Variants in MRTFB observed in about 807,000 individuals in gnomAD.
The protein encoded by MRTFB is myocardin related transcription factor B.
Under a neutral mutation model 104.2 loss-of-function variants are expected in MRTFB, and 29 were observed. The observed-to-expected ratio is 0.28, with a 90% CI of 0.21 to 0.38. The LOEUF (loss-of-function observed/expected upper bound fraction) is 0.38. Ranked by LOEUF, MRTFB falls within the 10% of genes least tolerant of loss-of-function variation. The probability of loss-of-function intolerance (pLI) is 1.00; values close to 1 mark genes in which losing one functional copy is unlikely to be tolerated. For missense variants in MRTFB, 1,270 were observed against 1,341.6 expected (o/e 0.95, Z 0.83); for synonymous variants, 535 against 519.5 (o/e 1.03, Z -0.41).
At chr16:14,134,668 A>G (rs936684035) in intron 2 of MRTFB, among the ~76,000 whole-genome samples, 1 of 152,190 alleles carries the variant, frequency 6.6e-6, no homozygotes, top group African/African-American at 2.4e-5. Context: ...GATTTGGACA[A>G]ATGGATTTTT....
intron 3 of MRTFB, among the ~76,000 whole-genome samples, chr16:14,206,198 C>G (rs1464224332): frequency 6.6e-6 from 1 of 152,214 alleles, no homozygotes; most frequent in Non-Finnish European, 1.5e-5. Context: ...GAATGCCTCT[C>G]TGATCATTAG....
At chr16:14,256,667 G>A (rs192569864) in intron 15 of MRTFB, among the ~76,000 whole-genome samples, 1 of 152,280 alleles carries the variant, frequency 6.6e-6, no homozygotes, top group African/African-American at 2.4e-5. Flanking sequence ...TAGAGTTGGC[G>A]GTAACCTGAC....
At chr16:14,028,630 C>A in the MRTFB span, among the ~76,000 whole-genome samples, 135 of 152,330 alleles carry the variant, frequency 8.9e-4, 5 homozygotes, top group South Asian at 0.027. Context: ...GCCTGCAACT[C>A]GGAATTTTAC....
At chr16:14,119,827 G>T (rs1428241030) in intron 2 of MRTFB, among the ~76,000 whole-genome samples, 1 of 152,136 alleles carries the variant, frequency 6.6e-6, no homozygotes, top group Non-Finnish European at 1.5e-5. Flanking sequence ...GCAGCTTTAG[G>T]CTAAACTGAA....
At chr16:13,999,900 C>A in the MRTFB span, among the ~76,000 whole-genome samples, 1 of 152,196 alleles carries the variant, frequency 6.6e-6, no homozygotes. Context: ...CACTGAGGGC[C>A]TCCTCTGCAC....
At chr16:14,206,286 T>C (rs1300317374) in intron 3 of MRTFB, among the ~76,000 whole-genome samples, 1 of 152,212 alleles carries the variant, frequency 6.6e-6, no homozygotes, top group Non-Finnish European at 1.5e-5. Context: ...TCTGCCTGAC[T>C]TCTGTGTCTC....
intron 1 of MRTFB, among the ~76,000 whole-genome samples, chr16:14,075,193 A>G (rs1420271577): frequency 6.6e-6 from 1 of 152,260 alleles, no homozygotes; most frequent in Non-Finnish European, 1.5e-5. Context: ...GTTCCGTGGT[A>G]TACCTTAGCT....
chr16:14,073,445 T>C (rs1264659051), intron 1 of MRTFB, among the ~76,000 whole-genome samples: 2 of 152,212 alleles, frequency 1.3e-5, no homozygotes, highest in African/African-American at 4.8e-5. Flanking sequence ...TAAAAGGAAA[T>C]TTAACAGACA....
intron 3 of MRTFB, among the ~76,000 whole-genome samples, chr16:14,182,550 T>C (rs1597176164): frequency 6.6e-6 from 1 of 152,222 alleles, no homozygotes; most frequent in Admixed American, 6.5e-5. Context: ...ATAAATGTTA[T>C]GTAGATGTGT....
At chr16:13,996,980 AG>A in the MRTFB span, among the ~76,000 whole-genome samples, 1 of 152,226 alleles carries the variant, frequency 6.6e-6, no homozygotes, top group South Asian at 2.1e-4. Context: ...TCAGCACATT[AG>A]GGTTGTGACC....
At chr16:14,025,729 T>TA in the MRTFB span, among the ~76,000 whole-genome samples, 1 of 151,336 alleles carries the variant, frequency 6.6e-6, no homozygotes, top group African/African-American at 2.4e-5. Flanking sequence ...ATAAGGAATC[T>TA]AAAAAAACAA....
intron 4 of MRTFB, 22 bp downstream of exon 4, chr16:14,210,330 C>G: frequency 6.3e-7 from 1 of 1,595,308 alleles, no homozygotes; most frequent in African/African-American, 1.3e-5. Context: ...ACCATCACTG[C>G]CATCCCTAAC....
At chr16:14,250,056 T>C (rs1437990835) in intron 13 of MRTFB, among the ~76,000 whole-genome samples, 1 of 152,190 alleles carries the variant, frequency 6.6e-6, no homozygotes. Flanking sequence ...GTTAAGACAA[T>C]TTGTTTTAGG....
intron 2 of MRTFB, among the ~76,000 whole-genome samples, chr16:14,124,956 G>A (rs76663783): frequency 0.029 from 4,466 of 152,092 alleles, 239 homozygotes; most frequent in African/African-American, 0.1. Flanking sequence ...TGTGTTTTCT[G>A]CGTACCTTGC....
At chr16:14,113,162 A>G (rs1009444005) in intron 2 of MRTFB, among the ~76,000 whole-genome samples, 5 of 151,824 alleles carry the variant, frequency 3.3e-5, no homozygotes, top group African/African-American at 7.3e-5. Context: ...TCTCACCTCA[A>G]CCTCCCAAGT....
At chr16:14,209,777 A>G (rs2041114355) in intron 3 of MRTFB, among the ~76,000 whole-genome samples, 1 of 151,630 alleles carries the variant, frequency 6.6e-6, no homozygotes, top group Non-Finnish European at 1.5e-5. Flanking sequence ...GGAATATCTC[A>G]TAGGTCTAAT....
chr16:14,019,256 C>T, the MRTFB span: 1 of 152,202 alleles, frequency 6.6e-6, no homozygotes, highest in Non-Finnish European at 1.5e-5. Flanking sequence ...AGAAATAGCA[C>T]CATATATTGG....
chr16:14,064,371 C>T, the MRTFB span, among the ~76,000 whole-genome samples: 1 of 151,984 alleles, frequency 6.6e-6, no homozygotes, highest in Admixed American at 6.6e-5. Flanking sequence ...GGAATTAGAT[C>T]TTTGTAAGAT....
At chr16:14,002,868 A>G in the MRTFB span, among the ~76,000 whole-genome samples, 4 of 152,142 alleles carry the variant, frequency 2.6e-5, no homozygotes, top group Non-Finnish European at 5.9e-5. Context: ...TAAGAAAGAA[A>G]AGCAACAGAG....
Sources: gnomAD v4.1 joint callset for allele counts (sites outside exome capture counted in the v4.1 genomes callset) on GRCh38, gnomAD v4.1.1 for gene constraint, MANE v1.5 for transcripts, NCBI Gene and HGNC (gene_info 2026-07-23, HGNC 2026-07-21) for gene names.